The following ARB2A variants were observed in gnomAD, a reference collection of about 807,000 sequenced individuals.
ARB2A encodes cotranscriptional regulator ARB2A.
the ARB2A span, among the ~76,000 whole-genome samples, chr5:93,975,042 C>A: frequency 6.6e-6 from 1 of 151,974 alleles, no homozygotes; most frequent in Non-Finnish European, 1.5e-5. Flanking sequence ...TAGCTGGGCG[C>A]GGTGGCTCAT....
chr5:93,625,098 C>G, the ARB2A span, among the ~76,000 whole-genome samples: 2 of 152,176 alleles, frequency 1.3e-5, no homozygotes, highest in South Asian at 2.1e-4. Context: ...CTGTAGCTGT[C>G]AAATTCATGA....
the ARB2A span, among the ~76,000 whole-genome samples, chr5:93,845,004 A>G: frequency 3.9e-5 from 6 of 152,336 alleles, no homozygotes; most frequent in African/African-American, 1.4e-4. Context: ...TGGAAAGCTT[A>G]GAAACAGAAA....
At chr5:93,689,059 C>T in the ARB2A span, among the ~76,000 whole-genome samples, 65 of 152,272 alleles carry the variant, frequency 4.3e-4, 1 homozygote, top group Admixed American at 8.5e-4. Context: ...AGAAAGCTCT[C>T]CATGACCTGG....
the ARB2A span, among the ~76,000 whole-genome samples, chr5:93,922,468 A>C: frequency 1.3e-5 from 2 of 151,428 alleles, no homozygotes; most frequent in African/African-American, 4.9e-5. Context: ...CAGGAGTTCG[A>C]AACCAGACTG....
the ARB2A span, among the ~76,000 whole-genome samples, chr5:93,823,031 C>T: frequency 2.0e-5 from 3 of 152,056 alleles, no homozygotes; most frequent in African/African-American, 2.4e-5. Context: ...GAAAAACATG[C>T]CAAAGTCTAG....
At chr5:94,027,630 T>C in the ARB2A span, among the ~76,000 whole-genome samples, 1 of 152,300 alleles carries the variant, frequency 6.6e-6, no homozygotes, top group East Asian at 1.9e-4. Flanking sequence ...CCCCAGCCAG[T>C]AGGGCGGTAC....
chr5:93,621,469 C>A, the ARB2A span, among the ~76,000 whole-genome samples: 1 of 152,244 alleles, frequency 6.6e-6, no homozygotes, highest in Admixed American at 6.5e-5. Flanking sequence ...CCGGATCTGT[C>A]CCGGGGTCGT....
chr5:93,860,831 T>C, the ARB2A span: 42,986 of 151,762 alleles, frequency 0.28, 6,393 homozygotes, highest in South Asian at 0.5. Flanking sequence ...ATTTTTTGTA[T>C]TTTTAGTAGA....
chr5:93,944,679 A>G, the ARB2A span, among the ~76,000 whole-genome samples: 1 of 151,864 alleles, frequency 6.6e-6, no homozygotes, highest in African/African-American at 2.4e-5. Context: ...GGAAGAAGAG[A>G]AGAATGAAAG....
the ARB2A span, among the ~76,000 whole-genome samples, chr5:94,102,061 CTATGT>C: frequency 6.8e-6 from 1 of 147,500 alleles, no homozygotes; most frequent in Non-Finnish European, 1.5e-5. Context: ...TTAGCTTTAA[CTATGT>C]TATATCATAG....
the ARB2A span, among the ~76,000 whole-genome samples, chr5:93,951,125 C>A: frequency 1.3e-5 from 2 of 152,052 alleles, no homozygotes; most frequent in African/African-American, 4.8e-5. Context: ...ACTTGCATGT[C>A]TCCTTTTGAG....
the ARB2A span, among the ~76,000 whole-genome samples, chr5:93,753,476 C>T: frequency 1.3e-5 from 2 of 152,136 alleles, no homozygotes; most frequent in African/African-American, 4.8e-5. Context: ...TGCTAACTTT[C>T]CATTTCATGT....
the ARB2A span, among the ~76,000 whole-genome samples, chr5:94,045,029 G>C: frequency 1.4e-5 from 2 of 147,878 alleles, no homozygotes; most frequent in African/African-American, 5.0e-5. Flanking sequence ...TGAGGTAAGA[G>C]AATTGCTTGA....
the ARB2A span, chr5:93,741,271 C>A: frequency 6.2e-7 from 1 of 1,613,862 alleles, no homozygotes; most frequent in South Asian, 1.1e-5. Flanking sequence ...CGGGAGGGCG[C>A]CTTCGGAGGG....
chr5:93,700,091 A>G, the ARB2A span, among the ~76,000 whole-genome samples: 2 of 152,202 alleles, frequency 1.3e-5, no homozygotes, highest in African/African-American at 4.8e-5. Flanking sequence ...ATATACAATT[A>G]TATGGAAACA....
the ARB2A span, among the ~76,000 whole-genome samples, chr5:93,767,821 C>T: frequency 6.6e-6 from 1 of 151,324 alleles, no homozygotes; most frequent in African/African-American, 2.4e-5. Context: ...GGCAAAACCC[C>T]GTCTCTACTA....
chr5:93,774,369 G>A, the ARB2A span, among the ~76,000 whole-genome samples: 7 of 152,314 alleles, frequency 4.6e-5, 1 homozygote, highest in Middle Eastern at 3.4e-3. Flanking sequence ...GATGACATGC[G>A]TGTCAAAAGC....
the ARB2A span, among the ~76,000 whole-genome samples, chr5:93,914,489 T>C: frequency 6.6e-6 from 1 of 151,962 alleles, no homozygotes; most frequent in African/African-American, 2.4e-5. Context: ...CTTGATTAAA[T>C]AGTGAGAGAG....
At chr5:94,051,191 A>T in the ARB2A span, among the ~76,000 whole-genome samples, 1 of 152,214 alleles carries the variant, frequency 6.6e-6, no homozygotes, top group Non-Finnish European at 1.5e-5. Flanking sequence ...AAATATTAAG[A>T]AGTTAAGCAA....
Sources: gnomAD v4.1 joint callset for allele counts (sites outside exome capture counted in the v4.1 genomes callset) on GRCh38, gnomAD v4.1.1 for gene constraint, MANE v1.5 for transcripts, NCBI Gene and HGNC (gene_info 2026-07-23, HGNC 2026-07-21) for gene names.